Variants in DPYSL5 observed in about 807,000 individuals in gnomAD.
DPYSL5 encodes dihydropyrimidinase like 5.
In DPYSL5, 9 loss-of-function variants were observed where a neutral mutation model predicts 58.4. That is an observed-to-expected ratio of 0.15 (90% CI 0.09 to 0.27). DPYSL5 has a LOEUF of 0.27. Among genes scored for constraint, DPYSL5 ranks in the 10% least tolerant of loss-of-function variants. DPYSL5 has a pLI of 1.00. For missense variants in DPYSL5, 499 were observed against 770.6 expected (o/e 0.65, Z 4.17); for synonymous variants, 293 against 301.9 (o/e 0.97, Z 0.31).
rs1407390574 is a variant in DPYSL5, at chr2:26,927,676, T to A, written c.600+244T>A. Among the ~76,000 whole-genome samples, 2 of 152,262 alleles carry A rather than the reference T, an allele frequency of 1.3e-5. No homozygotes were observed. The highest frequency in any genetic ancestry group is 2.9e-5 in the Non-Finnish European group (2 of 68,050). The stretch of plus-strand genomic sequence containing the variant: ...TTCTAAGTCGTAGGTGATGATGTCT[T>A]AATTCTAATGATATGAGATTTAAAT... On this transcript the variant is annotated intron_variant, in intron 4 of 12. Coordinates refer to ENST00000288699, the MANE Select transcript of DPYSL5 (RefSeq NM_020134.4). This position sits in a 1 kb window ranked among gnomAD's most constrained non-coding sequence, Gnocchi z 4.3.
At chr2:26,911,925 T>A (rs1162920563) in intron 2 of DPYSL5, among the ~76,000 whole-genome samples, 1 of 152,156 alleles carries the variant, frequency 6.6e-6, no homozygotes, top group Non-Finnish European at 1.5e-5. Flanking sequence ...AAGAATATAT[T>A]TTTCCCACCA....
chr2:26,876,569 G>A (rs1000263766), intron 1 of DPYSL5, among the ~76,000 whole-genome samples: 6 of 152,146 alleles, frequency 3.9e-5, no homozygotes, highest in Admixed American at 1.3e-4. Flanking sequence ...AGGCTGGAGC[G>A]CAATGGTATG....
At chr2:26,867,134 A>G (rs1666163745) in intron 1 of DPYSL5, among the ~76,000 whole-genome samples, 1 of 152,294 alleles carries the variant, frequency 6.6e-6, no homozygotes, top group African/African-American at 2.4e-5. Context: ...CCCACAGTTT[A>G]CCCTATACAC....
intron 5 of DPYSL5, among the ~76,000 whole-genome samples, chr2:26,929,608 G>A (rs1664921535): frequency 6.6e-6 from 1 of 152,344 alleles, no homozygotes. Flanking sequence ...GTCCTGGTCT[G>A]TGGAAAAATC....
At chr2:26,855,281 T>C (rs1416221439) in intron 1 of DPYSL5, among the ~76,000 whole-genome samples, 3 of 151,734 alleles carry the variant, frequency 2.0e-5, no homozygotes, top group Non-Finnish European at 4.4e-5. Flanking sequence ...TACAAAAATT[T>C]AGCTGGGCGT....
chr2:26,886,230 T>C (rs1663717044), intron 1 of DPYSL5, among the ~76,000 whole-genome samples: 1 of 152,222 alleles, frequency 6.6e-6, no homozygotes, highest in Admixed American at 6.5e-5. Flanking sequence ...TGTGACCTTT[T>C]CTTTTTTGCT....
intron 2 of DPYSL5, among the ~76,000 whole-genome samples, chr2:26,907,866 C>T (rs1378819281): frequency 2.0e-5 from 3 of 152,192 alleles, no homozygotes; most frequent in Non-Finnish European, 2.9e-5. Context: ...GCAGAGACCA[C>T]GATTTAACTT....
intron 1 of DPYSL5, among the ~76,000 whole-genome samples, chr2:26,871,216 G>GA (rs1663255481): frequency 1.3e-5 from 2 of 152,088 alleles, no homozygotes; most frequent in South Asian, 4.1e-4. Context: ...GCCTTTTACA[G>GA]AAAAAATCTG....
chr2:26,944,516 C>T lies in DPYSL5; in HGVS notation c.1441-140C>T. On this transcript the variant is annotated intron_variant, in intron 11 of 12. Transcript: ENST00000288699. The surrounding 1 kb of genome is among the most constrained non-coding windows in gnomAD (Gnocchi z 4.4). ...CCCCTGGACTCAATGTTTAAGAAGC[C>T]TTGGTCACTTGCAGTGATTTGGGTC... The T allele has an allele frequency of 1.1e-6, 1 of 923,134 alleles. No individual in the cohort carries two copies. The highest frequency in any genetic ancestry group is 1.6e-6 in the Non-Finnish European group (1 of 612,980). The allele number at this position is 923,134 out of a possible 1,614,324, so 57.2% of individuals were successfully genotyped here.
chr2:26,931,154 T>A lies in DPYSL5; in HGVS notation c.670-486T>A, dbSNP rs1224742189. ...ACCCTATCTAAAAAAAAAAAAAAAA[T>A]ATATATATATATATATGTGTGTGTG... On this transcript the variant is annotated intron_variant, in intron 5 of 12. Coordinates refer to ENST00000288699, the MANE Select transcript of DPYSL5 (RefSeq NM_020134.4). Among the ~76,000 whole-genome samples the A allele has an allele frequency of 6.6e-3, 182 of 27,462 alleles. 3 individuals are homozygous for A. The highest frequency in any genetic ancestry group is 0.06 in the East Asian group (40 of 662). The allele number at this position is 27,462 out of a possible 152,430, so 18.0% of individuals were successfully genotyped here. A position where few individuals can be genotyped will look rare whatever the true frequency, so the allele number is the denominator to read the frequency against.
chr2:26,945,789 G>A, intron 12 of DPYSL5, among the ~76,000 whole-genome samples: 1 of 152,232 alleles, frequency 6.6e-6, no homozygotes, highest in East Asian at 1.9e-4. Flanking sequence ...CCACAGCCTG[G>A]AGTTTACTGG....
intron 1 of DPYSL5, among the ~76,000 whole-genome samples, chr2:26,872,785 G>C (rs1384492762): frequency 1.5e-5 from 2 of 131,298 alleles, no homozygotes; most frequent in Non-Finnish European, 3.5e-5. Flanking sequence ...CTCCAGCCTG[G>C]GCAACAGCGA....
intron 6 of DPYSL5, among the ~76,000 whole-genome samples, chr2:26,932,212 G>GAAAGAAAGA (rs1558351739): frequency 0.01 from 602 of 58,398 alleles, 13 homozygotes; most frequent in East Asian, 0.015. Context: ...AGAAAGAAAA[G>GAAAGAAAGA]AAAGAAAGAA....
intron 2 of DPYSL5, among the ~76,000 whole-genome samples, chr2:26,919,458 G>A (rs776815912): frequency 6.6e-6 from 1 of 152,208 alleles, no homozygotes; most frequent in African/African-American, 2.4e-5. Context: ...CTTTGAAATT[G>A]TAAAATGATG....
chr2:26,942,609 C>A lies in DPYSL5; in HGVS notation c.1299C>A (p.His433Gln). 1 of 1,614,186 alleles carries A rather than the reference C, an allele frequency of 6.2e-7. No homozygotes were observed. Among genetic ancestry groups the A allele is most frequent in the Non-Finnish European group, 8.5e-7 (1 of 1,180,044 alleles). The change falls in exon 11 of 13, where the codon CAC becomes CAA. Residue 433 changes from histidine (H) to glutamine (Q), a missense_variant. Transcript: ENST00000288699. This position sits in a 1 kb window ranked among gnomAD's most constrained non-coding sequence, Gnocchi z 5.9. The stretch of plus-strand genomic sequence containing the variant: ...ACCTGTATGAGAACATGCGCTGCCA[C>A]GGCGTGCCACTGGTCACCATCAGCC... ...DFNLYENMRCHGVPLVTISRG... is the reference protein window; with the variant it reads ...DFNLYENMRCQGVPLVTISRG...
chr2:26,853,789 G>A (rs945220089), intron 1 of DPYSL5, among the ~76,000 whole-genome samples: 1 of 152,104 alleles, frequency 6.6e-6, no homozygotes, highest in Non-Finnish European at 1.5e-5. Context: ...CTAATCATAT[G>A]AGGCCCACCC....
chr2:26,928,702 T>TACAC (rs1558349164), intron 5 of DPYSL5, among the ~76,000 whole-genome samples: 11 of 40,158 alleles, frequency 2.7e-4, no homozygotes, highest in African/African-American at 9.7e-4. Flanking sequence ...TATATATATA[T>TACAC]ATACACACAC....
At chr2:26,916,517 T>C (rs961566189) in intron 2 of DPYSL5, among the ~76,000 whole-genome samples, 5 of 152,200 alleles carry the variant, frequency 3.3e-5, no homozygotes, top group Admixed American at 2.0e-4. Context: ...TGACAAACTT[T>C]GCCGATGTGA....
intron 1 of DPYSL5, among the ~76,000 whole-genome samples, chr2:26,857,567 A>G (rs1165841493): frequency 6.6e-6 from 1 of 151,884 alleles, no homozygotes; most frequent in Non-Finnish European, 1.5e-5. Flanking sequence ...AAAATCCCAC[A>G]AAAGTGTCAG....
Sources: allele counts gnomAD v4.1 joint callset (sites outside exome capture counted in the v4.1 genomes callset), GRCh38; gene constraint gnomAD v4.1.1; non-coding constraint Gnocchi (gnomAD v3.1); transcripts MANE v1.5; gene names NCBI Gene and HGNC (gene_info 2026-07-23, HGNC 2026-07-21).